PTPRN2: variants seen among roughly 807,000 people sequenced by gnomAD.
PTPRN2 encodes receptor-type tyrosine-protein phosphatase N2.
In PTPRN2, 74 loss-of-function variants were observed where a neutral mutation model predicts 118.8. That is an observed-to-expected ratio of 0.62 (90% CI 0.52 to 0.76). The LOEUF is 0.76. PTPRN2 is among the 30% of genes least tolerant of loss of function. PTPRN2 has a pLI of 0.00. For missense variants in PTPRN2, 1,481 were observed against 1,394.4 expected (o/e 1.06, Z -0.99); for synonymous variants, 641 against 608.0 (o/e 1.05, Z -0.80).
intron 12 of PTPRN2, among the ~76,000 whole-genome samples, chr7:157,747,835 T>C (rs1563066664): frequency 7.8e-6 from 1 of 128,704 alleles, no homozygotes; most frequent in Non-Finnish European, 1.6e-5. Context: ...CCCTGAGCTT[T>C]GGGCTGTCCG....
At chr7:158,271,028 G>A (rs192549720) in intron 3 of PTPRN2, among the ~76,000 whole-genome samples, 384 of 70,568 alleles carry the variant, frequency 5.4e-3, no homozygotes, top group Non-Finnish European at 5.8e-3. Context: ...CACCTGGACG[G>A]CCCCCTCCAC....
At chr7:157,687,374 T>C (rs1050532278) in intron 12 of PTPRN2, among the ~76,000 whole-genome samples, 8 of 152,224 alleles carry the variant, frequency 5.3e-5, no homozygotes, top group African/African-American at 1.9e-4. Context: ...CAAGGTTGTG[T>C]GATATAACCA....
chr7:158,089,689 GAAAGAGGGGGTC>G (rs1813870645), intron 10 of PTPRN2, among the ~76,000 whole-genome samples: 1 of 143,094 alleles, frequency 7.0e-6, no homozygotes, highest in Non-Finnish European at 1.5e-5. Context: ...TTCCCCTGAT[GAAAGAGGGGGTC>G]TTCACACACA....
chr7:158,218,745 T>C (rs1828136135), intron 3 of PTPRN2, among the ~76,000 whole-genome samples: 1 of 152,114 alleles, frequency 6.6e-6, no homozygotes. Context: ...GAAAGATCTA[T>C]CTTGTAAGTG....
chr7:158,189,762 G>A (rs753890967), intron 5 of PTPRN2, among the ~76,000 whole-genome samples: 15 of 152,206 alleles, frequency 9.9e-5, no homozygotes, highest in African/African-American at 1.4e-4. Context: ...TCACGGCGCC[G>A]TTACAGAAGC....
At chr7:157,555,554 T>C (rs1015861952) in intron 21 of PTPRN2, among the ~76,000 whole-genome samples, 1 of 152,216 alleles carries the variant, frequency 6.6e-6, no homozygotes, top group Non-Finnish European at 1.5e-5. Context: ...GGGAGGGCCA[T>C]CGTCGCCGTC....
intron 4 of PTPRN2, among the ~76,000 whole-genome samples, chr7:158,202,713 G>A (rs2150737891): frequency 6.6e-6 from 1 of 152,298 alleles, no homozygotes; most frequent in Non-Finnish European, 1.5e-5. Context: ...CACTCACAAA[G>A]AAAGAATTTA....
chr7:158,410,982 G>A (rs1353087586), intron 2 of PTPRN2, among the ~76,000 whole-genome samples: 1 of 152,236 alleles, frequency 6.6e-6, no homozygotes, highest in Non-Finnish European at 1.5e-5. Context: ...CCCCAGACAT[G>A]GAGCGTGAGT....
intron 3 of PTPRN2, among the ~76,000 whole-genome samples, chr7:158,308,999 G>A (rs969926611): frequency 1.3e-5 from 2 of 152,138 alleles, no homozygotes; most frequent in Non-Finnish European, 2.9e-5. Context: ...ACCTCATAAA[G>A]AAAAGCCCAT....
intron 3 of PTPRN2, among the ~76,000 whole-genome samples, chr7:158,241,035 C>T (rs914250216): frequency 6.6e-6 from 1 of 152,104 alleles, no homozygotes; most frequent in Non-Finnish European, 1.5e-5. Context: ...GGCCCAGGGC[C>T]CCCTGTGAAC....
intron 12 of PTPRN2, among the ~76,000 whole-genome samples, chr7:157,897,324 A>G (rs1797188191): frequency 6.6e-6 from 1 of 152,070 alleles, no homozygotes; most frequent in African/African-American, 2.4e-5. Flanking sequence ...CCACCTTGCA[A>G]CTACTTGGCC....
intron 12 of PTPRN2, among the ~76,000 whole-genome samples, chr7:157,747,301 G>T (rs1161950255): frequency 7.8e-6 from 1 of 128,296 alleles, no homozygotes; most frequent in Admixed American, 8.6e-5. Flanking sequence ...TCTCTGAGCT[G>T]TGGGGTGTCC....
chr7:158,141,333 G>T (rs1281783059), intron 6 of PTPRN2, among the ~76,000 whole-genome samples: 1 of 152,242 alleles, frequency 6.6e-6, no homozygotes, highest in Non-Finnish European at 1.5e-5. Context: ...ACTGCCTGTG[G>T]CACCCCCGTT....
chr7:158,370,459 A>G (rs1462001670), intron 2 of PTPRN2, among the ~76,000 whole-genome samples: 13 of 145,760 alleles, frequency 8.9e-5, no homozygotes, highest in Non-Finnish European at 4.5e-5. Flanking sequence ...AAAAATAAAT[A>G]AAGGCTGGGA....
chr7:158,124,106 C>T (rs1240318291), intron 9 of PTPRN2, among the ~76,000 whole-genome samples: 3 of 152,210 alleles, frequency 2.0e-5, no homozygotes, highest in South Asian at 2.1e-4. Flanking sequence ...GAATGTTTTC[C>T]GACCCACCAA....
chr7:158,311,497 T>C (rs1055128318), intron 3 of PTPRN2, among the ~76,000 whole-genome samples: 5 of 152,246 alleles, frequency 3.3e-5, no homozygotes, highest in African/African-American at 9.6e-5. Context: ...GCAGTGTGTC[T>C]GCCCATGAAA....
intron 12 of PTPRN2, among the ~76,000 whole-genome samples, chr7:157,847,524 T>G (rs1584857112): frequency 7.2e-6 from 1 of 138,462 alleles, no homozygotes; most frequent in Admixed American, 7.0e-5. Flanking sequence ...GCCCGATGTC[T>G]ACAGAGCCCT....
rs576046190 is a variant in PTPRN2, at chr7:158,393,278, C to A, written c.164-76346G>T. ...AAACATCCAAGAGACTCAAATGCTG[C>A]GTGATAAATTTAGAAAGGTCAAGTG... is the stretch of plus-strand genomic sequence containing the variant. On this transcript the variant is annotated intron_variant, in intron 2 of 22. Coordinates refer to ENST00000389418, the MANE Select transcript of PTPRN2 (RefSeq NM_002847.5). Among the ~76,000 whole-genome samples the A allele has an allele frequency of 6.6e-5, 10 of 152,288 alleles. No individual in the cohort carries two copies. The South Asian group carries it at 1.0e-3, about 16-fold the overall frequency.
intron 6 of PTPRN2, among the ~76,000 whole-genome samples, chr7:158,150,136 G>T (rs964000351): frequency 2.0e-5 from 3 of 152,166 alleles, no homozygotes; most frequent in Admixed American, 6.5e-5. Flanking sequence ...AGCTTGGCCG[G>T]CAACAATGCT....
Sources: allele counts gnomAD v4.1 joint callset (sites outside exome capture counted in the v4.1 genomes callset), GRCh38; gene constraint gnomAD v4.1.1; transcripts MANE v1.5; gene names NCBI Gene and HGNC (gene_info 2026-07-23, HGNC 2026-07-21).